Variants in INSYN2B observed in about 807,000 individuals in gnomAD.
The protein encoded by INSYN2B is inhibitory synaptic factor family member 2B.
Under a neutral mutation model 41.2 loss-of-function variants are expected in INSYN2B, and 16 were observed. The ratio of observed to expected loss-of-function variants is 0.39; its 90% CI spans 0.26 to 0.59. The LOEUF (loss-of-function observed/expected upper bound fraction) is 0.59. Among genes scored for constraint, INSYN2B ranks in the 20% least tolerant of loss-of-function variants. The pLI, the probability that INSYN2B is intolerant of heterozygous loss-of-function variation, is 0.57. For missense variants in INSYN2B, 608 were observed against 646.4 expected (o/e 0.94, Z 0.64); for synonymous variants, 245 against 244.4 (o/e 1.00, Z -0.02).
At chr5:169,956,407 A>C (rs1300350266) in intron 1 of INSYN2B, among the ~76,000 whole-genome samples, 1 of 152,204 alleles carries the variant, frequency 6.6e-6, no homozygotes. Flanking sequence ...TCTTCCCTCC[A>C]GTCCCTCTCT....
Position 169,883,029 on chromosome 5 carries a change from A to G in INSYN2B, c.870T>C (p.Leu290=), listed in dbSNP as rs1444349874. 1 of 1,551,676 alleles carries G rather than the reference A, an allele frequency of 6.4e-7. No individual in the cohort carries two copies. Among genetic ancestry groups the G allele is most frequent in the Non-Finnish European group, 8.7e-7 (1 of 1,146,950 alleles). The part of the protein sequence containing the change: ...LPKDNSDDKD[L]GSLSSQSKET... ...CCTTTGACTGAGATGACAGTGAGCC[A>G]AGGTCTTTGTCATCTGAGTTGTCTT... Residue 290 remains leucine (L), a synonymous_variant, in exon 2 of 4, where the codon CTT becomes CTC. Coordinates refer to ENST00000377365, the MANE Select transcript of INSYN2B (RefSeq NM_001129891.3).
At chr5:169,913,095 C>G (rs560113557) in intron 1 of INSYN2B, among the ~76,000 whole-genome samples, 1 of 152,258 alleles carries the variant, frequency 6.6e-6, no homozygotes, top group South Asian at 2.1e-4. Flanking sequence ...AGTGTTGTCT[C>G]TAGTTTCCTG....
chr5:169,970,870 A>G (rs1777477478), intron 1 of INSYN2B, among the ~76,000 whole-genome samples: 1 of 151,932 alleles, frequency 6.6e-6, no homozygotes, highest in Non-Finnish European at 1.5e-5. Context: ...GTGTCAGTTG[A>G]TTTTTCTTTA....
chr5:169,894,888 G>A (rs1470519530), intron 1 of INSYN2B, among the ~76,000 whole-genome samples: 3 of 152,178 alleles, frequency 2.0e-5, no homozygotes, highest in Non-Finnish European at 4.4e-5. Flanking sequence ...TAATAAAAAC[G>A]AAACTCAAGG....
rs186211452 is a variant in INSYN2B, at chr5:169,945,613, C to T, written c.-919+34664G>A. 5.0e-3 allele frequency among the ~76,000 whole-genome samples: 764 copies of T among 152,328 alleles called. 16 individuals carry two copies. In the South Asian group the frequency reaches 0.067, roughly 13 times the overall value. On this transcript the variant is annotated intron_variant, in intron 1 of 3. Transcript: ENST00000377365. Reference sequence around the variant, plus strand: ...GAGAAGTGAAGTCTGTTGCCCAGAGCTCACAGCTACTAACTGGCTGAGCTG... The same window carrying T: ...GAGAAGTGAAGTCTGTTGCCCAGAGTTCACAGCTACTAACTGGCTGAGCTG...
intron 3 of INSYN2B, among the ~76,000 whole-genome samples, chr5:169,872,686 T>A (rs1320224533): frequency 6.6e-6 from 1 of 152,106 alleles, no homozygotes; most frequent in Non-Finnish European, 1.5e-5. Context: ...TCAGAAAGGG[T>A]AGATCATCTC....
At chr5:169,941,825 G>A (rs1292925161) in intron 1 of INSYN2B, among the ~76,000 whole-genome samples, 3 of 152,186 alleles carry the variant, frequency 2.0e-5, no homozygotes, top group Non-Finnish European at 4.4e-5. Context: ...TTCCCCTCCA[G>A]AATAGAACCC....
At chr5:169,900,197 C>T (rs949975160) in intron 1 of INSYN2B, among the ~76,000 whole-genome samples, 1 of 152,186 alleles carries the variant, frequency 6.6e-6, no homozygotes, top group Admixed American at 6.5e-5. Context: ...AAGACGCAAG[C>T]TTTAAGCAAG....
intron 1 of INSYN2B, among the ~76,000 whole-genome samples, chr5:169,936,983 C>T (rs1439560520): frequency 6.6e-6 from 1 of 152,176 alleles, no homozygotes; most frequent in Non-Finnish European, 1.5e-5. Flanking sequence ...CCTGCCACTG[C>T]TTTGCAAAAA....
intron 3 of INSYN2B, among the ~76,000 whole-genome samples, chr5:169,870,023 G>A (rs573888120): frequency 1.8e-4 from 28 of 152,244 alleles, no homozygotes; most frequent in Admixed American, 7.8e-4. Context: ...TTCCGGACAC[G>A]AGCCCTTGAG....
chr5:169,895,734 T>C (rs1168857661), intron 1 of INSYN2B, among the ~76,000 whole-genome samples: 2 of 152,166 alleles, frequency 1.3e-5, no homozygotes, highest in Non-Finnish European at 2.9e-5. Flanking sequence ...AAAGAGTTAT[T>C]CATGCACTTA....
At chr5:169,898,528 A>AAACAACAACAACAAC (rs36216194) in intron 1 of INSYN2B, among the ~76,000 whole-genome samples, 5 of 151,130 alleles carry the variant, frequency 3.3e-5, no homozygotes, top group Non-Finnish European at 7.4e-5. Flanking sequence ...CACACACACA[A>AAACAACAACAACAAC]AACAACAACA....
intron 1 of INSYN2B, among the ~76,000 whole-genome samples, chr5:169,936,491 A>G (rs1255686476): frequency 6.6e-6 from 1 of 152,094 alleles, no homozygotes; most frequent in Non-Finnish European, 1.5e-5. Context: ...TGATTATAAG[A>G]TAATCAAAAT....
intron 1 of INSYN2B, among the ~76,000 whole-genome samples, chr5:169,940,743 T>C (rs1365105961): frequency 6.6e-6 from 1 of 152,188 alleles, no homozygotes; most frequent in African/African-American, 2.4e-5. Context: ...CAGGCAGTAA[T>C]GTGAGTGATG....
intron 3 of INSYN2B, 79 bp downstream of exon 3, chr5:169,881,289 A>G: frequency 8.3e-7 from 1 of 1,210,400 alleles, no homozygotes; most frequent in Admixed American, 2.2e-5. Flanking sequence ...GACTTTTTGC[A>G]TTTAAAAGTT....
At chr5:169,868,485 G>A (rs924000624) in intron 3 of INSYN2B, among the ~76,000 whole-genome samples, 6 of 152,322 alleles carry the variant, frequency 3.9e-5, no homozygotes, top group East Asian at 1.9e-4. Flanking sequence ...TAGGCTGGGC[G>A]CAGTGGCTCA....
intron 1 of INSYN2B, among the ~76,000 whole-genome samples, chr5:169,908,380 T>C (rs1774407075): frequency 6.6e-6 from 1 of 152,162 alleles, no homozygotes; most frequent in African/African-American, 2.4e-5. Context: ...GGCATACTCA[T>C]ACATGCTCTA....
intron 1 of INSYN2B, among the ~76,000 whole-genome samples, chr5:169,899,418 C>T (rs1773794324): frequency 6.6e-6 from 1 of 152,138 alleles, no homozygotes; most frequent in Non-Finnish European, 1.5e-5. Flanking sequence ...GCCTGCCTAC[C>T]ACCTACCTAT....
intron 1 of INSYN2B, among the ~76,000 whole-genome samples, chr5:169,957,986 TTGAC>T (rs2113738535): frequency 1.3e-5 from 2 of 152,324 alleles, no homozygotes; most frequent in South Asian, 4.1e-4. Context: ...CCAGCTCACC[TTGAC>T]TGAGATGCTC....
Sources: allele counts gnomAD v4.1 joint callset (sites outside exome capture counted in the v4.1 genomes callset), GRCh38; gene constraint gnomAD v4.1.1; transcripts MANE v1.5; gene names NCBI Gene and HGNC (gene_info 2026-07-23, HGNC 2026-07-21).